ARSB: variants seen among roughly 807,000 people sequenced by gnomAD.
ARSB encodes the protein N-acetylgalactosamine-4-sulfatase.
ARSB carries 41 observed loss-of-function variants against 50.9 expected under a neutral mutation model. That is an observed-to-expected ratio of 0.81 (90% confidence interval 0.63 to 1.04). The LOEUF (loss-of-function observed/expected upper bound fraction) is 1.04, where lower values mean the gene tolerates loss of function less well. Ranked by LOEUF, ARSB falls within the 50% of genes least tolerant of loss-of-function variation. The pLI, the probability that ARSB is intolerant of heterozygous loss-of-function variation, is 0.00. For synonymous variants in ARSB, 269 were observed against 284.8 expected (o/e 0.94, Z 0.56); for missense variants, 672 against 693.3 (o/e 0.97, Z 0.35).
At chr5:78,848,205 C>A (rs1012000995) in intron 5 of ARSB, among the ~76,000 whole-genome samples, 2 of 146,720 alleles carry the variant, frequency 1.4e-5, no homozygotes, top group Admixed American at 6.8e-5. Flanking sequence ...TCTCCTAATG[C>A]TATCCTCCCC....
At chr5:78,955,526 C>T in intron 3 of ARSB, 24 bp from the exon 4 acceptor site, 2 of 1,585,474 alleles carry the variant, frequency 1.3e-6, no homozygotes, top group Non-Finnish European at 8.7e-7. Context: ...TTGTGCAAAC[C>T]AGTTAAGAGG....
chr5:78,820,858 C>A (rs950719887), intron 6 of ARSB, among the ~76,000 whole-genome samples: 9 of 151,898 alleles, frequency 5.9e-5, no homozygotes, highest in African/African-American at 2.2e-4. Context: ...CTCACTAGCC[C>A]CTGGTTGAAA....
At chr5:78,938,285 A>G (rs998339364) in intron 4 of ARSB, among the ~76,000 whole-genome samples, 1 of 152,258 alleles carries the variant, frequency 6.6e-6, no homozygotes, top group Admixed American at 6.5e-5. Flanking sequence ...ATAATCAACA[A>G]ATTAGTACCT....
At position 78,969,005 on chromosome 5, in the gene ARSB, C is replaced by T; in HGVS notation, c.499+1G>A. On this transcript the variant is annotated splice_donor_variant, in intron 2 of 7. Coordinates refer to ENST00000264914, the MANE Select transcript of ARSB (RefSeq NM_000046.5). LOFTEE classifies it high-confidence loss of function. ...TAAAGAAACATGTGCATTTCCATTA[C>T]CAAAGTAGGTATCAAATCCTCGGCG... is the stretch of plus-strand genomic sequence containing the variant. The T allele has an allele frequency of 6.2e-7, 1 of 1,614,148 alleles. No homozygotes were observed. Among genetic ancestry groups the T allele is most frequent in the Non-Finnish European group, 8.5e-7 (1 of 1,180,014 alleles).
At chr5:78,787,084 C>T (rs1027697779) in intron 6 of ARSB, among the ~76,000 whole-genome samples, 42 of 130,516 alleles carry the variant, frequency 3.2e-4, no homozygotes, top group African/African-American at 1.1e-3. Context: ...ATTAAAAAAT[C>T]GATAACCATC....
chr5:78,939,166 G>C (rs904916182), intron 4 of ARSB, among the ~76,000 whole-genome samples: 13 of 152,178 alleles, frequency 8.5e-5, no homozygotes, highest in African/African-American at 2.9e-4. Flanking sequence ...GGGAGAACAT[G>C]AAAGGCTTTC....
intron 6 of ARSB, among the ~76,000 whole-genome samples, chr5:78,838,513 T>G (rs978935776): frequency 2.0e-5 from 3 of 152,130 alleles, no homozygotes; most frequent in African/African-American, 7.2e-5. Context: ...TGAGCTATAA[T>G]GCAGTTTGGA....
At chr5:78,834,974 T>TC (rs1744887176) in intron 6 of ARSB, among the ~76,000 whole-genome samples, 1 of 119,974 alleles carries the variant, frequency 8.3e-6, no homozygotes, top group Non-Finnish European at 1.9e-5. Context: ...CTCCCTCCCT[T>TC]CCTTCCTTTT....
intron 5 of ARSB, among the ~76,000 whole-genome samples, chr5:78,862,568 A>T (rs1297191886): frequency 6.6e-6 from 1 of 152,212 alleles, no homozygotes; most frequent in Non-Finnish European, 1.5e-5. Context: ...CTGAAACTGG[A>T]TCCCTTCCTT....
chr5:78,823,442 C>T (rs13172853), intron 6 of ARSB, among the ~76,000 whole-genome samples: 5,973 of 152,280 alleles, frequency 0.039, 203 homozygotes, highest in Middle Eastern at 0.068. Flanking sequence ...TTTCTGGGGA[C>T]TTTTTGGGGT....
chr5:78,785,841 T>C (rs1749065490), intron 6 of ARSB, among the ~76,000 whole-genome samples: 1 of 152,218 alleles, frequency 6.6e-6, no homozygotes, highest in African/African-American at 2.4e-5. Context: ...CCCGATCTAA[T>C]GACATGAGTT....
At chr5:78,912,329 A>C (rs571386791) in intron 4 of ARSB, among the ~76,000 whole-genome samples, 1 of 152,356 alleles carries the variant, frequency 6.6e-6, no homozygotes, top group African/African-American at 2.4e-5. Flanking sequence ...AACGATATCA[A>C]CATATTGCAC....
chr5:78,778,036 G>A lies in ARSB; in HGVS notation c.*2361C>T, dbSNP rs1219267694. ...TTCAAAACTCTTTTGAAGTCCACTGGGTGCAGAACATCCCCCACTGTGCCT... is the reference window on the plus strand; with the variant it reads ...TTCAAAACTCTTTTGAAGTCCACTGAGTGCAGAACATCCCCCACTGTGCCT... On this transcript the variant is annotated 3_prime_UTR_variant, in exon 8 of 8. Transcript: ENST00000264914. 6.6e-6 allele frequency: 1 copy of A among 151,930 alleles called. No homozygotes were observed. The highest frequency in any genetic ancestry group is 1.5e-5 in the Non-Finnish European group (1 of 67,974). 9.4% of individuals were successfully genotyped at this position (151,930 alleles called of 1,614,324 possible).
intron 5 of ARSB, among the ~76,000 whole-genome samples, chr5:78,839,992 T>C (rs1387061595): frequency 6.6e-6 from 1 of 152,220 alleles, no homozygotes; most frequent in Admixed American, 6.5e-5. Context: ...AATCACAACC[T>C]ACATTTGTGC....
Position 78,878,341 on chromosome 5 carries a change from C to T in ARSB, c.1142+7243G>A, listed in dbSNP as rs369677633. Among the ~76,000 whole-genome samples the T allele has an allele frequency of 7.4e-4, 113 of 152,020 alleles. 4 individuals are homozygous for T. In the South Asian group the frequency reaches 0.023, roughly 31 times the overall value. The stretch of plus-strand genomic sequence containing the variant: ...AGGACAGGCCGATAACCATTTCTAC[C>T]AGATATTTAAATATACTCGAAAAAG... On this transcript the variant is annotated intron_variant, in intron 5 of 7. Coordinates refer to ENST00000264914, the MANE Select transcript of ARSB (RefSeq NM_000046.5).
At chr5:78,812,366 T>C (rs1344684702) in intron 6 of ARSB, among the ~76,000 whole-genome samples, 1 of 152,124 alleles carries the variant, frequency 6.6e-6, no homozygotes, top group Non-Finnish European at 1.5e-5. Flanking sequence ...GGACAGAGCA[T>C]GGACAAAGTC....
In ARSB at chr5:78,949,039, G is replaced by C. The variant is rs571396465; in HGVS notation, c.898+6256C>G. On this transcript the variant is annotated intron_variant, in intron 4 of 7. Transcript: ENST00000264914. ...AAAGTATCCAATTCAGTGACATTTA[G>C]AACATGGCACAATGTTGTGCAGCCA... Among the ~76,000 whole-genome samples, 31 of 152,248 alleles carry C rather than the reference G, an allele frequency of 2.0e-4. No homozygotes were observed. The South Asian group carries it at 5.8e-3, about 28-fold the overall frequency.
chr5:78,882,745 T>C (rs1747810720), intron 5 of ARSB: 1 of 151,450 alleles, frequency 6.6e-6, no homozygotes. Flanking sequence ...AAAATGTTTA[T>C]AGTAGTTGTT....
chr5:78,847,775 C>A (rs1028226319), intron 5 of ARSB, among the ~76,000 whole-genome samples: 1 of 152,086 alleles, frequency 6.6e-6, no homozygotes, highest in Non-Finnish European at 1.5e-5. Flanking sequence ...TCTATTTCTT[C>A]TTGGTTCAAT....
Sources: allele counts gnomAD v4.1 joint callset (sites outside exome capture counted in the v4.1 genomes callset), GRCh38; gene constraint gnomAD v4.1.1; transcripts MANE v1.5; gene names NCBI Gene and HGNC (gene_info 2026-07-23, HGNC 2026-07-21).